ACCSL: variants seen among roughly 807,000 people sequenced by gnomAD.
The protein encoded by ACCSL is probable inactive 1-aminocyclopropane-1-carboxylate synthase-like protein 2.
In ACCSL, 55 loss-of-function variants were observed where a neutral mutation model predicts 61.7. That is an observed-to-expected ratio of 0.89 (90% confidence interval 0.72 to 1.12). The LOEUF (loss-of-function observed/expected upper bound fraction) is 1.12, where lower values mean the gene tolerates loss of function less well. Among genes scored for constraint, ACCSL ranks in the 50% most tolerant of loss-of-function variants. The pLI is 0.00. For missense variants in ACCSL, 632 were observed against 698.0 expected (o/e 0.91, Z 1.07); for synonymous variants, 258 against 264.3 (o/e 0.98, Z 0.23).
chr11:43,982,226 C>CTTTTTTTTTTTTTTTTTTTTTTTT, the ACCSL span, among the ~76,000 whole-genome samples: 1 of 86,324 alleles, frequency 1.2e-5, no homozygotes, highest in Non-Finnish European at 2.2e-5. Context: ...CCAAGGCCCT[C>CTTTTTTTTTTTTTTTTTTTTTTTT]TTTTTTTTTT....
the ACCSL span, among the ~76,000 whole-genome samples, chr11:44,024,589 CT>C: frequency 6.6e-6 from 1 of 152,012 alleles, no homozygotes; most frequent in Admixed American, 6.6e-5. Flanking sequence ...TTTATTGAGA[CT>C]TGTTTTATGG....
At chr11:44,012,253 C>G in the ACCSL span, among the ~76,000 whole-genome samples, 1 of 151,688 alleles carries the variant, frequency 6.6e-6, no homozygotes, top group African/African-American at 2.4e-5. Flanking sequence ...AACAGGCTCT[C>G]TTATATACTC....
chr11:43,980,470 A>G, the ACCSL span, among the ~76,000 whole-genome samples: 3 of 151,736 alleles, frequency 2.0e-5, no homozygotes, highest in Non-Finnish European at 4.4e-5. Context: ...CAATGTTTAC[A>G]TAATCGAATT....
chr11:44,008,477 T>C, the ACCSL span, among the ~76,000 whole-genome samples: 1 of 152,210 alleles, frequency 6.6e-6, no homozygotes, highest in Non-Finnish European at 1.5e-5. Context: ...ACAGGGGCTG[T>C]CCTTCTTCTG....
At chr11:43,945,046 G>A in the ACCSL span, 3 of 152,470 alleles carry the variant, frequency 2.0e-5, no homozygotes, top group Non-Finnish European at 4.4e-5. Flanking sequence ...ACGAAACAAA[G>A]AAACAAAAAT....
chr11:43,974,138 G>C, the ACCSL span: 1 of 152,228 alleles, frequency 6.6e-6, no homozygotes, highest in African/African-American at 2.4e-5. Flanking sequence ...GGCAGGAAGA[G>C]ACCTCAAGAT....
At chr11:43,959,438 C>A in the ACCSL span, among the ~76,000 whole-genome samples, 1 of 152,254 alleles carries the variant, frequency 6.6e-6, no homozygotes, top group African/African-American at 2.4e-5. Flanking sequence ...CAAACCAGTG[C>A]ATTCCTGCTG....
intron 11 of ACCSL, 104 bp from the exon 12 acceptor site, chr11:44,058,213 A>G: frequency 7.4e-7 from 1 of 1,353,898 alleles, no homozygotes. Context: ...ACAAAAACAA[A>G]CAAACAAACT....
At chr11:43,982,000 G>T in the ACCSL span, among the ~76,000 whole-genome samples, 12 of 152,278 alleles carry the variant, frequency 7.9e-5, no homozygotes, top group East Asian at 2.3e-3. Context: ...GCTAGAGTCC[G>T]TTTGCTGAGA....
At chr11:44,006,380 T>C in the ACCSL span, among the ~76,000 whole-genome samples, 8 of 152,020 alleles carry the variant, frequency 5.3e-5, no homozygotes, top group Admixed American at 1.3e-4. Context: ...CTCATTTGAG[T>C]GGCTGAGAGC....
the ACCSL span, among the ~76,000 whole-genome samples, chr11:43,968,652 A>G: frequency 1.3e-5 from 2 of 152,100 alleles, no homozygotes; most frequent in African/African-American, 4.8e-5. Context: ...AGGCTTCGAA[A>G]CCACTGACAG....
the ACCSL span, among the ~76,000 whole-genome samples, chr11:43,996,813 C>CT: frequency 3.6e-4 from 46 of 127,806 alleles, no homozygotes; most frequent in South Asian, 1.3e-3. Flanking sequence ...ACCTTTTTTC[C>CT]TTTTTTTTTT....
chr11:43,983,174 G>A, the ACCSL span, among the ~76,000 whole-genome samples: 1 of 152,138 alleles, frequency 6.6e-6, no homozygotes, highest in African/African-American at 2.4e-5. Flanking sequence ...AGGTGATTGT[G>A]TCTCTCCAGC....
intron 1 of ACCSL, 91 bp from the exon 2 acceptor site, chr11:44,049,971 A>G (rs1169305212): frequency 1.9e-6 from 3 of 1,541,268 alleles, no homozygotes; most frequent in Non-Finnish European, 2.7e-6. Flanking sequence ...CCTCATAGGC[A>G]GTGAGATCTC....
chr11:44,052,894 AC>A, intron 6 of ACCSL, 96 bp from the exon 7 acceptor site: 1 of 1,460,408 alleles, frequency 6.8e-7, no homozygotes, highest in Non-Finnish European at 9.6e-7. Context: ...GTGGACTGGC[AC>A]TCTGGTATGA....
chr11:43,943,584 G>C, the ACCSL span: 1 of 1,311,472 alleles, frequency 7.6e-7, no homozygotes, highest in South Asian at 1.2e-5. This position sits in a 1 kb window ranked among gnomAD's most constrained non-coding sequence, Gnocchi z 4.8. Flanking sequence ...GTCGGCGGCG[G>C]GTAGCCACTC....
chr11:43,923,371 A>G, the ACCSL span, among the ~76,000 whole-genome samples: 1 of 151,924 alleles, frequency 6.6e-6, no homozygotes, highest in Non-Finnish European at 1.5e-5. Flanking sequence ...AGTCTTGATT[A>G]TTTTTTTTAA....
chr11:44,059,814 T>G, intron 13 of ACCSL, 24 bp from the exon 14 acceptor site: 1 of 1,608,330 alleles, frequency 6.2e-7, no homozygotes, highest in South Asian at 1.1e-5. Flanking sequence ...ACTATTTCTC[T>G]CTGTCCCCAT....
the ACCSL span, chr11:43,942,809 C>T: frequency 9.0e-6 from 8 of 892,736 alleles, no homozygotes; most frequent in African/African-American, 1.8e-5. Flanking sequence ...GCCCGGCGAG[C>T]CCCCGGCTGC....
Sources: allele counts gnomAD v4.1 joint callset (sites outside exome capture counted in the v4.1 genomes callset), GRCh38; gene constraint gnomAD v4.1.1; non-coding constraint Gnocchi (gnomAD v3.1); transcripts MANE v1.5; gene names NCBI Gene and HGNC (gene_info 2026-07-23, HGNC 2026-07-21).